Variants in CYTH4 observed in about 807,000 individuals in gnomAD.
The protein encoded by CYTH4 is cytohesin-4.
CYTH4 carries 22 observed loss-of-function variants against 57.5 expected under a neutral mutation model. The observed-to-expected ratio is 0.38, with a 90% confidence interval of 0.27 to 0.55. CYTH4 has a LOEUF of 0.55. Ranked by LOEUF, CYTH4 falls within the 20% of genes least tolerant of loss-of-function variation. The pLI, the probability that CYTH4 is intolerant of heterozygous loss-of-function variation, is 0.74. For missense variants in CYTH4, 420 were observed against 535.6 expected (o/e 0.78, Z 2.13); for synonymous variants, 186 against 206.5 (o/e 0.90, Z 0.85).
intron 7 of CYTH4, 58 bp from the exon 8 acceptor site, chr22:37,303,196 G>C: frequency 1.9e-6 from 3 of 1,602,576 alleles, no homozygotes; most frequent in Non-Finnish European, 2.6e-6. Flanking sequence ...GGAAGGGGCC[G>C]GGACAGAGGC....
intron 2 of CYTH4, among the ~76,000 whole-genome samples, chr22:37,294,439 A>T (rs1233213187): frequency 6.6e-6 from 1 of 152,024 alleles, no homozygotes; most frequent in Non-Finnish European, 1.5e-5. Context: ...GGGTGCAGAC[A>T]GAGGTGATAG....
chr22:37,296,059 C>T lies in CYTH4; in HGVS notation c.228C>T (p.Pro76=), dbSNP rs142899213. Reference sequence around the variant, plus strand: ...GGCGCAAGAAGTTCAACATGGACCCCGCCAAGGTAGGTGGCTGTGGAGGGC... The same window carrying T: ...GGCGCAAGAAGTTCAACATGGACCCTGCCAAGGTAGGTGGCTGTGGAGGGC... ...CIGRKKFNMD[P]AKGIQYFIEH... is the part of the protein sequence containing the mutation. The change falls in exon 4 of 13, where the codon CCC becomes CCT. Residue 76 remains proline (P), a synonymous_variant. Transcript: ENST00000248901. The T allele has an allele frequency of 3.2e-5, 51 of 1,612,544 alleles. No homozygotes were observed. The highest frequency in any genetic ancestry group is 6.7e-5 in the African/African-American group (5 of 75,020).
At chr22:37,283,502 C>T (rs1928437440) in intron 1 of CYTH4, among the ~76,000 whole-genome samples, 2 of 152,160 alleles carry the variant, frequency 1.3e-5, no homozygotes, top group African/African-American at 4.8e-5. Flanking sequence ...CAGGAGCACC[C>T]TTGCTTCAAA....
Position 37,295,553 on chromosome 22 carries a change from C to T in CYTH4, c.168-446C>T, listed in dbSNP as rs116349012. Among the ~76,000 whole-genome samples, 1,799 of 152,304 alleles carry T rather than the reference C, an allele frequency of 0.012. 43 individuals carry two copies. The highest frequency in any genetic ancestry group is 0.041 in the African/African-American group (1,695 of 41,554). ...TGTTTTAGGTGCTTTAACCTCTCAACAATGCTGGGAGGCAGGTGGTGGTAT... is the reference window on the plus strand; with the variant it reads ...TGTTTTAGGTGCTTTAACCTCTCAATAATGCTGGGAGGCAGGTGGTGGTAT... On this transcript the variant is annotated intron_variant, in intron 3 of 12. Coordinates refer to ENST00000248901, the MANE Select transcript of CYTH4 (RefSeq NM_013385.5). This position sits in a 1 kb window ranked among gnomAD's most constrained non-coding sequence, Gnocchi z 4.1.
chr22:37,293,826 G>C (rs1361016325), intron 2 of CYTH4, among the ~76,000 whole-genome samples: 2 of 152,102 alleles, frequency 1.3e-5, no homozygotes, highest in African/African-American at 4.8e-5. Context: ...AGATGAAATG[G>C]GCTTGGGGTC....
chr22:37,287,323 C>A (rs1221889073), intron 1 of CYTH4, among the ~76,000 whole-genome samples: 2 of 152,098 alleles, frequency 1.3e-5, no homozygotes, highest in Admixed American at 6.5e-5. Flanking sequence ...GCCATCCACA[C>A]CTTGGAGCAT....
rs573247159 is a variant in CYTH4, at chr22:37,297,495, T to C, written c.235-69T>C. 3.1e-5 allele frequency: 43 copies of C among 1,396,982 alleles called. No homozygotes were observed. In the African/African-American group the frequency reaches 4.7e-4, roughly 15 times the overall value. 86.5% of individuals were successfully genotyped at this position (1,396,982 alleles called of 1,614,324 possible). A position where few individuals can be genotyped will look rare whatever the true frequency, so the allele number is the denominator to read the frequency against. On this transcript the variant is annotated intron_variant, in intron 4 of 12. Transcript: ENST00000248901. ...CAGGATTCTGGCCATGGAAGCTCCT[T>C]CCTCCCTTCCCCCTCCCAGGCCTGC...
At chr22:37,309,619 C>G (rs1056385634) in intron 9 of CYTH4, among the ~76,000 whole-genome samples, 1 of 152,220 alleles carries the variant, frequency 6.6e-6, no homozygotes, top group African/African-American at 2.4e-5. Flanking sequence ...CTGTTTCTCT[C>G]TCCCCAGCGG....
At chr22:37,282,635 T>C in intron 1 of CYTH4, 47 bp downstream of exon 1, 1 of 1,535,124 alleles carries the variant, frequency 6.5e-7, no homozygotes. Flanking sequence ...TGCTCTCTTT[T>C]AGAATGGGAC....
chr22:37,284,541 C>T (rs1269335483), intron 1 of CYTH4, among the ~76,000 whole-genome samples: 4 of 152,190 alleles, frequency 2.6e-5, no homozygotes, highest in Non-Finnish European at 4.4e-5. Flanking sequence ...GGGGCTTCTT[C>T]ATGGCACGGT....
chr22:37,311,127 A>T lies in CYTH4; in HGVS notation c.885+63A>T, dbSNP rs1330213080. On this transcript the variant is annotated intron_variant, in intron 10 of 12. Transcript: ENST00000248901. The surrounding 1 kb of genome is among the most constrained non-coding windows in gnomAD (Gnocchi z 4.4). ...CTCTCCCCGCACAACCCACTTCCCA[A>T]CTCCCACTGAGCAGTCGACTCACAC... 3.2e-6 allele frequency: 5 copies of T among 1,552,220 alleles called. No homozygotes were observed. The highest frequency in any genetic ancestry group is 2.7e-6 in the Non-Finnish European group (3 of 1,125,576).
chr22:37,308,538 G>A (rs1370386512), intron 8 of CYTH4, among the ~76,000 whole-genome samples: 2 of 151,754 alleles, frequency 1.3e-5, no homozygotes, highest in African/African-American at 4.9e-5. Flanking sequence ...CTGTGAGTGT[G>A]TGTATGTGTG....
intron 9 of CYTH4, chr22:37,310,088 A>C: frequency 2.2e-6 from 1 of 452,030 alleles, no homozygotes; most frequent in South Asian, 1.6e-5. Flanking sequence ...CACCTCCAGC[A>C]ACATTGAGCC....
At position 37,313,938 on chromosome 22, in the gene CYTH4, G is replaced by T. The variant is rs16998080; in HGVS notation, c.*427G>T. ...CCTAAGTGATTCTTCTCCCTGGCAA[G>T]GCTCTTCCTTTTCAGGGATATCTCT... On this transcript the variant is annotated 3_prime_UTR_variant, in exon 13 of 13. Transcript: ENST00000248901. 5,527 of 237,544 alleles carry T rather than the reference G, an allele frequency of 0.023. 295 individuals carry two copies. The highest frequency in any genetic ancestry group is 0.11 in the African/African-American group (5,031 of 44,734). 14.7% of individuals were successfully genotyped at this position (237,544 alleles called of 1,614,324 possible).
At chr22:37,309,387 G>T in intron 9 of CYTH4, 64 bp downstream of exon 9, 1 of 1,414,860 alleles carries the variant, frequency 7.1e-7, no homozygotes. Context: ...ACACATCGTT[G>T]CATGCACACT....
chr22:37,292,463 CT>C (rs781771038), intron 1 of CYTH4, 157 bp from the exon 2 acceptor site: 1 of 670,456 alleles, frequency 1.5e-6, no homozygotes, highest in Non-Finnish European at 2.6e-6. Context: ...GCAGGGGCTG[CT>C]TTAGACAGGG....
intron 8 of CYTH4, among the ~76,000 whole-genome samples, chr22:37,308,330 T>C (rs1929476573): frequency 2.0e-5 from 3 of 152,202 alleles, no homozygotes; most frequent in African/African-American, 7.2e-5. Flanking sequence ...TCTGTGTCTG[T>C]GTGTGTAAGC....
intron 12 of CYTH4, 43 bp from the exon 13 acceptor site, chr22:37,313,396 A>T: frequency 6.3e-7 from 1 of 1,595,694 alleles, no homozygotes; most frequent in African/African-American, 1.3e-5. Flanking sequence ...GACCACCTTG[A>T]CGGCCAGTCC....
Position 37,311,855 on chromosome 22 carries a change from G to A in CYTH4, c.958-165G>A. Reference sequence around the variant, plus strand: ...GGGAGGATGGTGGATTCAGGAGCCTGCCACAGAGAGAGTGCTCAGTGTGGG... The same window carrying A: ...GGGAGGATGGTGGATTCAGGAGCCTACCACAGAGAGAGTGCTCAGTGTGGG... On this transcript the variant is annotated intron_variant, in intron 11 of 12. Transcript: ENST00000248901. This position sits in a 1 kb window ranked among gnomAD's most constrained non-coding sequence, Gnocchi z 4.4. 1.2e-6 allele frequency: 1 copy of A among 869,018 alleles called. No homozygotes were observed. The highest frequency in any genetic ancestry group is 1.7e-6 in the Non-Finnish European group (1 of 587,638). 53.8% of individuals were successfully genotyped at this position (869,018 alleles called of 1,614,324 possible).
Sources: gnomAD v4.1 joint callset for allele counts (sites outside exome capture counted in the v4.1 genomes callset) on GRCh38, gnomAD v4.1.1 for gene constraint, Gnocchi (gnomAD v3.1) non-coding constraint, MANE v1.5 for transcripts, NCBI Gene and HGNC (gene_info 2026-07-23, HGNC 2026-07-21) for gene names.